Variants in UCHL1 observed in about 807,000 individuals in gnomAD.
UCHL1 encodes ubiquitin carboxyl-terminal hydrolase isozyme L1.
UCHL1 carries 5 observed loss-of-function variants against 33.3 expected under a neutral mutation model. The ratio of observed to expected loss-of-function variants is 0.15; its 90% CI spans 0.08 to 0.32. The LOEUF is 0.32. Ranked by LOEUF, UCHL1 falls within the 10% of genes least tolerant of loss-of-function variation. The probability of loss-of-function intolerance (pLI) is 1.00; values close to 1 mark genes in which losing one functional copy is unlikely to be tolerated. For synonymous variants in UCHL1, 132 were observed against 108.8 expected (o/e 1.21, Z -1.33); for missense variants, 236 against 280.0 (o/e 0.84, Z 1.12).
intron 8 of UCHL1, among the ~76,000 whole-genome samples, chr4:41,265,909 A>AT (rs1289466973): frequency 6.6e-6 from 1 of 152,210 alleles, no homozygotes; most frequent in Non-Finnish European, 1.5e-5. Context: ...AGAATAAGAA[A>AT]ACAGGCAGAA....
Position 41,261,887 on chromosome 4 carries a change from A to G in UCHL1, c.423A>G (p.Ala141=), listed in dbSNP as rs764111400. Reference sequence around the variant, plus strand: ...TCTTTTTTCCGCAGGCCATACAGGCAGCCCATGATGCCGTGGCACAGGAAG... The same window carrying G: ...TCTTTTTTCCGCAGGCCATACAGGCGGCCCATGATGCCGTGGCACAGGAAG... ...KCFEKNEAIQ[A]AHDAVAQEGQ... is the part of the protein sequence containing the mutation. The change falls in exon 6 of 9, where the codon GCA becomes GCG. Residue 141 remains alanine (A), a synonymous_variant. Transcript: ENST00000284440. The G allele has an allele frequency of 5.6e-6, 9 of 1,614,092 alleles. No individual in the cohort carries two copies. In the East Asian group the frequency reaches 8.9e-5, roughly 16 times the overall value.
chr4:41,263,641 C>G (rs770868757), intron 7 of UCHL1, among the ~76,000 whole-genome samples: 20 of 152,236 alleles, frequency 1.3e-4, no homozygotes, highest in Admixed American at 3.9e-4. Flanking sequence ...TTGTAAGATT[C>G]ATTCCTTTTG....
intron 3 of UCHL1, among the ~76,000 whole-genome samples, chr4:41,258,064 C>T (rs1362770685): frequency 6.6e-6 from 1 of 152,176 alleles, no homozygotes; most frequent in Non-Finnish European, 1.5e-5. Context: ...CCTCCGGTTC[C>T]GGGGAATGGC....
chr4:41,265,507 A>G (rs1781137173), intron 8 of UCHL1, among the ~76,000 whole-genome samples: 1 of 152,174 alleles, frequency 6.6e-6, no homozygotes, highest in Admixed American at 6.5e-5. Context: ...GTTACCTGGG[A>G]GGTGGAGGTT....
rs540507296 is a variant in UCHL1 at position 41,268,357 on chromosome 4, T to G, written c.*284T>G. The G allele has an allele frequency of 2.0e-6, 1 of 490,894 alleles. No individual in the cohort carries two copies. Among genetic ancestry groups the G allele is most frequent in the African/African-American group, 1.9e-5 (1 of 51,948 alleles). The allele number at this position is 490,894 out of a possible 1,614,324, so 30.4% of individuals were successfully genotyped here. ...TTAAATGGCTACTTTGGTTTCTGTC[T>G]GTAAGTTAAGACCTTGGATGTGGTT... On this transcript the variant is annotated 3_prime_UTR_variant, in exon 9 of 9. Coordinates refer to ENST00000284440, the MANE Select transcript of UCHL1 (RefSeq NM_004181.5).
intron 6 of UCHL1, among the ~76,000 whole-genome samples, chr4:41,262,383 T>C (rs894378440): frequency 1.3e-5 from 2 of 152,006 alleles, no homozygotes; most frequent in Non-Finnish European, 2.9e-5. Context: ...GAGGCAGAGG[T>C]TGCAGTGAGC....
chr4:41,262,456 C>T (rs745377401), intron 6 of UCHL1, among the ~76,000 whole-genome samples: 18 of 152,118 alleles, frequency 1.2e-4, no homozygotes, highest in South Asian at 2.1e-4. Flanking sequence ...ACAAATGAGT[C>T]TTATAGAGTG....
At chr4:41,259,111 T>G (rs920164256) in intron 3 of UCHL1, among the ~76,000 whole-genome samples, 3 of 152,256 alleles carry the variant, frequency 2.0e-5, no homozygotes, top group African/African-American at 7.2e-5. Flanking sequence ...TTGAAAGAGC[T>G]CGATACTTTG....
At chr4:41,267,103 T>C (rs550815270) in intron 8 of UCHL1, among the ~76,000 whole-genome samples, 12 of 152,338 alleles carry the variant, frequency 7.9e-5, no homozygotes, top group Admixed American at 2.6e-4. Flanking sequence ...TAAATAACAC[T>C]GGGATCAGTT....
At chr4:41,265,919 A>T (rs1291896842) in intron 8 of UCHL1, among the ~76,000 whole-genome samples, 1 of 152,232 alleles carries the variant, frequency 6.6e-6, no homozygotes, top group Non-Finnish European at 1.5e-5. Flanking sequence ...AACAGGCAGA[A>T]TTTCTGGTCT....
chr4:41,268,172 A>G lies in UCHL1; in HGVS notation c.*99A>G. ...TAAAATGCTTCAGTACTTGTGAAAC[A>G]CAGCTGTTCTTCTGTTCTGCAGACA... On this transcript the variant is annotated 3_prime_UTR_variant, in exon 9 of 9. Transcript: ENST00000284440. 8.6e-7 allele frequency: 1 copy of G among 1,165,210 alleles called. No individual in the cohort carries two copies. Among genetic ancestry groups the G allele is most frequent in the South Asian group, 1.3e-5 (1 of 76,576 alleles). The allele number at this position is 1,165,210 out of a possible 1,614,324, so 72.2% of individuals were successfully genotyped here.
At chr4:41,264,498 ACAG>A in intron 8 of UCHL1, 1 of 394,476 alleles carries the variant, frequency 2.5e-6, no homozygotes, top group Non-Finnish European at 4.8e-6. Flanking sequence ...GACTCACAAA[ACAG>A]CAGCCTTTCA....
intron 6 of UCHL1, 39 bp downstream of exon 6, chr4:41,261,962 G>A: frequency 6.2e-7 from 1 of 1,609,674 alleles, no homozygotes; most frequent in Non-Finnish European, 8.5e-7. Context: ...CTGCCTGGGT[G>A]CCATCTGTGT....
At chr4:41,264,750 C>G (rs1781126096) in intron 8 of UCHL1, among the ~76,000 whole-genome samples, 1 of 152,060 alleles carries the variant, frequency 6.6e-6, no homozygotes, top group Non-Finnish European at 1.5e-5. Context: ...GGCCTCTTCA[C>G]TAAAAAATGA....
chr4:41,268,067 A>G lies in UCHL1; in HGVS notation c.666A>G (p.Ala222=). Residue 222 remains alanine, a synonymous_variant, in exon 9 of 9, where the codon GCA becomes GCG. Coordinates refer to ENST00000284440, the MANE Select transcript of UCHL1 (RefSeq NM_004181.5). ...TCTCTGCCGTGGCTCTCTGCAAGGC[A>G]GCCTAATGCTCTGTGGGAGGGACTT... ...VRFSAVALCK[A]A The G allele has an allele frequency of 6.2e-7, 1 of 1,613,062 alleles. No individual in the cohort carries two copies. Among genetic ancestry groups the G allele is most frequent in the Non-Finnish European group, 8.5e-7 (1 of 1,179,580 alleles).
rs78683791 is a variant in UCHL1 at position 41,268,382 on chromosome 4, T to C, written c.*309T>C. 2.3e-3 allele frequency: 954 copies of C among 408,856 alleles called. 7 individuals are homozygous for C. Among genetic ancestry groups the C allele is most frequent in the African/African-American group, 0.017 (844 of 50,080 alleles). 25.3% of individuals were successfully genotyped at this position (408,856 alleles called of 1,614,324 possible). A position where few individuals can be genotyped will look rare whatever the true frequency, so the allele number is the denominator to read the frequency against. Reference sequence around the variant, plus strand: ...TGTAAGTTAAGACCTTGGATGTGGTTTAATTGTTTGTCCTCAAAAGGAATA... The same window carrying C: ...TGTAAGTTAAGACCTTGGATGTGGTCTAATTGTTTGTCCTCAAAAGGAATA... On this transcript the variant is annotated 3_prime_UTR_variant, in exon 9 of 9. Coordinates refer to ENST00000284440, the MANE Select transcript of UCHL1 (RefSeq NM_004181.5).
intron 8 of UCHL1, among the ~76,000 whole-genome samples, chr4:41,265,029 C>T (rs757009849): frequency 2.0e-5 from 3 of 152,180 alleles, no homozygotes; most frequent in Admixed American, 6.5e-5. Flanking sequence ...TTCAGTTCTG[C>T]TGTTACAACT....
intron 8 of UCHL1, 124 bp downstream of exon 8, chr4:41,264,285 T>C (rs1580927148): frequency 8.1e-7 from 1 of 1,236,258 alleles, no homozygotes; most frequent in Non-Finnish European, 1.2e-6. Flanking sequence ...TAGCAGTCTT[T>C]AGGGCTGCAA....
chr4:41,260,128 G>A (rs1781047444), intron 3 of UCHL1, among the ~76,000 whole-genome samples: 1 of 152,158 alleles, frequency 6.6e-6, no homozygotes, highest in Non-Finnish European at 1.5e-5. Context: ...TCTTTCACTT[G>A]TTCTTTTCAG....
Sources: gnomAD v4.1 joint callset for allele counts (sites outside exome capture counted in the v4.1 genomes callset) on GRCh38, gnomAD v4.1.1 for gene constraint, MANE v1.5 for transcripts, NCBI Gene and HGNC (gene_info 2026-07-23, HGNC 2026-07-21) for gene names.